The following GABRG3 variants were observed in gnomAD, a reference collection of about 807,000 sequenced individuals.
GABRG3 encodes gamma-aminobutyric acid receptor subunit gamma-3.
GABRG3 carries 25 observed loss-of-function variants against 48.8 expected under a neutral mutation model. The observed-to-expected ratio is 0.51, with a 90% CI of 0.37 to 0.72. GABRG3 has a LOEUF of 0.72. Among genes scored for constraint, GABRG3 ranks in the 30% least tolerant of loss-of-function variants. The probability of loss-of-function intolerance (pLI) is 0.00; values close to 1 mark genes in which losing one functional copy is unlikely to be tolerated. For synonymous variants in GABRG3, 227 were observed against 217.6 expected (o/e 1.04, Z -0.38); for missense variants, 394 against 577.9 (o/e 0.68, Z 3.26).
At chr15:27,449,717 G>C (rs185628010) in intron 5 of GABRG3, among the ~76,000 whole-genome samples, 1 of 152,300 alleles carries the variant, frequency 6.6e-6, no homozygotes, top group Non-Finnish European at 1.5e-5. Context: ...CTAGGGTGTT[G>C]GCATGGTTAA....
At chr15:27,345,636 T>G (rs536617250) in intron 5 of GABRG3, among the ~76,000 whole-genome samples, 1 of 152,324 alleles carries the variant, frequency 6.6e-6, no homozygotes, top group Non-Finnish European at 1.5e-5. Flanking sequence ...TCTCTAGTAC[T>G]CCTTTCTTTT....
intron 3 of GABRG3, among the ~76,000 whole-genome samples, chr15:27,032,707 C>T (rs1245171580): frequency 6.6e-6 from 1 of 152,222 alleles, no homozygotes; most frequent in African/African-American, 2.4e-5. Context: ...CAAACACCTC[C>T]CACCAAACCC....
chr15:27,176,780 A>T (rs570946925), intron 3 of GABRG3, among the ~76,000 whole-genome samples: 1 of 152,270 alleles, frequency 6.6e-6, no homozygotes, highest in East Asian at 1.9e-4. Context: ...CTAGAGTCAA[A>T]AAAGACTTAG....
chr15:27,464,295 C>G (rs934447395), intron 5 of GABRG3, among the ~76,000 whole-genome samples: 1 of 152,164 alleles, frequency 6.6e-6, no homozygotes, highest in African/African-American at 2.4e-5. Flanking sequence ...CAGGCAACCA[C>G]TGATCTATTT....
At position 27,287,350 on chromosome 15, in the gene GABRG3, A is replaced by AAGAAAAT. The variant is rs1891646478; in HGVS notation, c.271-39454_271-39453insATAGAAA. On this transcript the variant is annotated intron_variant, in intron 3 of 9. Transcript: ENST00000615808. ...GAGTTAAACTGAATCAAAAAGAAAA[A>AAGAAAAT]AGAAACCCATTACTAAACAGTGATC... is the stretch of plus-strand genomic sequence containing the variant. Among the ~76,000 whole-genome samples, 4 of 152,190 alleles carry AAGAAAAT rather than the reference A, an allele frequency of 2.6e-5. 1 individual carries two copies. The South Asian group carries it at 8.3e-4, about 32-fold the overall frequency.
chr15:27,300,696 A>C (rs1011518976), intron 3 of GABRG3, among the ~76,000 whole-genome samples: 6 of 130,638 alleles, frequency 4.6e-5, no homozygotes, highest in East Asian at 2.1e-4. Flanking sequence ...AAAAAAAAAA[A>C]ACACCTGGAT....
At chr15:27,081,407 T>C (rs540895714) in intron 3 of GABRG3, among the ~76,000 whole-genome samples, 1 of 152,104 alleles carries the variant, frequency 6.6e-6, no homozygotes, top group South Asian at 2.1e-4. Context: ...TATTGTACTT[T>C]TATTAAATAT....
chr15:27,174,416 C>G (rs1887673100), intron 3 of GABRG3, among the ~76,000 whole-genome samples: 1 of 152,170 alleles, frequency 6.6e-6, no homozygotes, highest in Non-Finnish European at 1.5e-5. Context: ...AGCCAGAATC[C>G]TTTGGTACAA....
At chr15:27,347,729 C>T (rs1894423029) in intron 5 of GABRG3, among the ~76,000 whole-genome samples, 1 of 152,142 alleles carries the variant, frequency 6.6e-6, no homozygotes, top group African/African-American at 2.4e-5. Context: ...GTGGTTGTCC[C>T]CCAGAAGTTT....
At chr15:27,405,840 A>G (rs1887614673) in intron 5 of GABRG3, among the ~76,000 whole-genome samples, 1 of 147,838 alleles carries the variant, frequency 6.8e-6, no homozygotes, top group African/African-American at 2.6e-5. Context: ...GAAATGGCTG[A>G]TTCTAGGACT....
chr15:27,098,123 A>T (rs1595523427), intron 3 of GABRG3, among the ~76,000 whole-genome samples: 1 of 152,156 alleles, frequency 6.6e-6, no homozygotes, highest in South Asian at 2.1e-4. Flanking sequence ...GGAAGAGAAG[A>T]TTCAGTCTTT....
chr15:27,424,578 A>G (rs1888233226), intron 5 of GABRG3, among the ~76,000 whole-genome samples: 1 of 143,336 alleles, frequency 7.0e-6, no homozygotes, highest in African/African-American at 2.6e-5. Flanking sequence ...TTTGAGACAG[A>G]GTCTCACTCT....
At chr15:27,172,841 C>T (rs1265482042) in intron 3 of GABRG3, among the ~76,000 whole-genome samples, 1 of 152,070 alleles carries the variant, frequency 6.6e-6, no homozygotes, top group Non-Finnish European at 1.5e-5. Context: ...AGAAGGGCCC[C>T]CACTCCATAG....
chr15:27,343,246 G>A (rs959316914), intron 5 of GABRG3, among the ~76,000 whole-genome samples: 1 of 152,146 alleles, frequency 6.6e-6, no homozygotes, highest in African/African-American at 2.4e-5. Context: ...GTCTTGGCGT[G>A]CAGAAGTCCC....
At chr15:27,123,461 A>T (rs1187555250) in intron 3 of GABRG3, among the ~76,000 whole-genome samples, 1 of 152,218 alleles carries the variant, frequency 6.6e-6, no homozygotes, top group Non-Finnish European at 1.5e-5. Flanking sequence ...CACAGCAGGC[A>T]CTGTCTATGA....
chr15:27,181,844 A>G (rs981250917), intron 3 of GABRG3, among the ~76,000 whole-genome samples: 1 of 152,030 alleles, frequency 6.6e-6, no homozygotes, highest in African/African-American at 2.4e-5. Flanking sequence ...ATTCCTGTCA[A>G]ACTCTACCAG....
At chr15:27,527,142 AG>A (rs932359804) in intron 7 of GABRG3, among the ~76,000 whole-genome samples, 7 of 152,232 alleles carry the variant, frequency 4.6e-5, no homozygotes, top group African/African-American at 1.7e-4. Context: ...TGCCAAAAAG[AG>A]CGTCTACGTT....
intron 3 of GABRG3, among the ~76,000 whole-genome samples, chr15:27,296,134 C>T (rs945265350): frequency 4.6e-5 from 7 of 152,070 alleles, no homozygotes; most frequent in African/African-American, 1.4e-4. Flanking sequence ...GAAGACCTGC[C>T]TTATGAGAAA....
At chr15:27,466,084 C>T (rs1343623796) in intron 5 of GABRG3, among the ~76,000 whole-genome samples, 1 of 152,120 alleles carries the variant, frequency 6.6e-6, no homozygotes, top group Non-Finnish European at 1.5e-5. Context: ...AATTCAAGGC[C>T]CCTTATTTCA....
Sources: allele counts gnomAD v4.1 joint callset (sites outside exome capture counted in the v4.1 genomes callset), GRCh38; gene constraint gnomAD v4.1.1; transcripts MANE v1.5; gene names NCBI Gene and HGNC (gene_info 2026-07-23, HGNC 2026-07-21).